The following MECOM variants were observed in gnomAD, a reference collection of about 807,000 sequenced individuals.
The protein encoded by MECOM is histone-lysine N-methyltransferase MECOM.
Under a neutral mutation model 116.3 loss-of-function variants are expected in MECOM, and 13 were observed. The ratio of observed to expected loss-of-function variants is 0.11; its 90% CI spans 0.07 to 0.18. MECOM has a LOEUF of 0.18. Ranked by LOEUF, MECOM falls within the 10% of genes least tolerant of loss-of-function variation. The pLI is 1.00. For synonymous variants in MECOM, 528 were observed against 535.2 expected (o/e 0.99, Z 0.19); for missense variants, 1,299 against 1,509.0 (o/e 0.86, Z 2.31).
intron 2 of MECOM, among the ~76,000 whole-genome samples, chr3:169,310,449 A>G (rs1343414669): frequency 6.6e-6 from 1 of 152,210 alleles, no homozygotes; most frequent in African/African-American, 2.4e-5. Context: ...GTGTCATCAA[A>G]CAGGTTAATC....
intron 2 of MECOM, among the ~76,000 whole-genome samples, chr3:169,188,860 A>G (rs1028201405): frequency 1.2e-4 from 19 of 152,264 alleles, no homozygotes; most frequent in African/African-American, 4.6e-4. Flanking sequence ...AAGTTGAAAC[A>G]TCAGTCACAG....
At chr3:169,120,651 GCTCTTT>G (rs1730724553) in intron 7 of MECOM, among the ~76,000 whole-genome samples, 2 of 152,150 alleles carry the variant, frequency 1.3e-5, no homozygotes, top group Admixed American at 1.3e-4. Flanking sequence ...GCTTCTTCCA[GCTCTTT>G]CTGATCCAGA....
At chr3:169,657,044 T>G (rs1416540178) in intron 1 of MECOM, among the ~76,000 whole-genome samples, 1 of 152,132 alleles carries the variant, frequency 6.6e-6, no homozygotes, top group Non-Finnish European at 1.5e-5. Context: ...AGATAAAAAA[T>G]GCCTAGAAAC....
intron 2 of MECOM, among the ~76,000 whole-genome samples, chr3:169,283,691 G>A (rs1217350493): frequency 1.3e-5 from 2 of 152,076 alleles, no homozygotes; most frequent in African/African-American, 2.4e-5. Flanking sequence ...TTTCTGAAAT[G>A]CATTTACATG....
At position 169,521,721 on chromosome 3, in the gene MECOM, G is replaced by C. The variant is rs75715869; in HGVS notation, c.38-140197C>G. The stretch of plus-strand genomic sequence containing the variant: ...GGAATCTGTTTTAGTAAGAACTCCA[G>C]GGATTCTAATGCACACTCAAGTTTG... On this transcript the variant is annotated intron_variant, in intron 1 of 16. Coordinates refer to ENST00000651503, the MANE Select transcript of MECOM (RefSeq NM_004991.4). Among the ~76,000 whole-genome samples the C allele has an allele frequency of 4.2e-3, 646 of 152,284 alleles. 10 individuals carry two copies. Among genetic ancestry groups the C allele is most frequent in the Admixed American group, 0.032 (482 of 15,294 alleles).
At chr3:169,489,475 A>C (rs1173598779) in intron 1 of MECOM, among the ~76,000 whole-genome samples, 1 of 152,216 alleles carries the variant, frequency 6.6e-6, no homozygotes, top group Non-Finnish European at 1.5e-5. Context: ...TTTGGCTTAC[A>C]GATATCAAGA....
At chr3:169,226,896 G>A (rs1044007361) in intron 2 of MECOM, among the ~76,000 whole-genome samples, 1 of 152,164 alleles carries the variant, frequency 6.6e-6, no homozygotes, top group Admixed American at 6.5e-5. Context: ...GCAATGGCAG[G>A]AGAATCTCTG....
intron 1 of MECOM, among the ~76,000 whole-genome samples, chr3:169,632,322 C>G (rs564555122): frequency 7.9e-5 from 12 of 152,186 alleles, no homozygotes; most frequent in African/African-American, 9.6e-5. Context: ...TCCAATGACA[C>G]TTTCCTTCAT....
At chr3:169,321,527 C>T (rs539052558) in intron 2 of MECOM, among the ~76,000 whole-genome samples, 14 of 150,698 alleles carry the variant, frequency 9.3e-5, no homozygotes, top group South Asian at 4.2e-4. Context: ...GGTGACAGAG[C>T]GAGACTCCGT....
chr3:169,261,180 A>G (rs958168571), intron 2 of MECOM, among the ~76,000 whole-genome samples: 2 of 152,330 alleles, frequency 1.3e-5, no homozygotes, highest in Admixed American at 6.5e-5. Flanking sequence ...ATTTTACATT[A>G]CTGTAAGGGA....
In MECOM at chr3:169,285,929, C is replaced by T. The variant is rs188084729; in HGVS notation, c.375+95258G>A. ...AAAACAGCTGTTTTCAACCAACTTT[C>T]GCTGTGAATGTACTTTTGTGTGTTT... On this transcript the variant is annotated intron_variant, in intron 2 of 16. Transcript: ENST00000651503. Among the ~76,000 whole-genome samples the T allele has an allele frequency of 1.8e-4, 28 of 152,294 alleles. No homozygotes were observed. In the East Asian group the frequency reaches 3.3e-3, roughly 18 times the overall value.
chr3:169,166,714 A>G (rs1743649680), intron 2 of MECOM, among the ~76,000 whole-genome samples: 1 of 152,230 alleles, frequency 6.6e-6, no homozygotes. Flanking sequence ...AAGAGTTCAA[A>G]CATTTGCATG....
In MECOM at chr3:169,440,445, G is replaced by A. The variant is rs1743423050; in HGVS notation, c.38-58921C>T. Reference sequence around the variant, plus strand: ...AAAGATGAGTAAAATTTGCCAAGTGGAGGTCCAAGAAAAGCATTCCAGGCA... The same window carrying A: ...AAAGATGAGTAAAATTTGCCAAGTGAAGGTCCAAGAAAAGCATTCCAGGCA... On this transcript the variant is annotated intron_variant, in intron 1 of 16. Transcript: ENST00000651503. Among the ~76,000 whole-genome samples the A allele has an allele frequency of 2.6e-5, 4 of 151,688 alleles. No homozygotes were observed. In the South Asian group the frequency reaches 8.3e-4, roughly 32 times the overall value.
chr3:169,413,560 G>C (rs944671628), intron 1 of MECOM, among the ~76,000 whole-genome samples: 2 of 151,820 alleles, frequency 1.3e-5, no homozygotes, highest in African/African-American at 4.8e-5. Context: ...CCTGCAAAGG[G>C]GGCTGAAGCC....
intron 1 of MECOM, among the ~76,000 whole-genome samples, chr3:169,406,785 A>C (rs1344757700): frequency 6.6e-6 from 1 of 151,932 alleles, no homozygotes; most frequent in Non-Finnish European, 1.5e-5. Context: ...CTTGAGCCCA[A>C]GCATAATATC....
At chr3:169,606,742 T>C (rs1212342758) in intron 1 of MECOM, among the ~76,000 whole-genome samples, 1 of 152,154 alleles carries the variant, frequency 6.6e-6, no homozygotes, top group East Asian at 1.9e-4. Context: ...ATTGTTCTCC[T>C]CCATATGGTC....
chr3:169,108,672 T>C (rs555890243), intron 9 of MECOM, among the ~76,000 whole-genome samples: 6 of 152,188 alleles, frequency 3.9e-5, no homozygotes, highest in Non-Finnish European at 7.3e-5. Flanking sequence ...ATAAGGAATA[T>C]ATGTAGTTTT....
At chr3:169,308,633 T>A (rs1718152887) in intron 2 of MECOM, among the ~76,000 whole-genome samples, 1 of 152,228 alleles carries the variant, frequency 6.6e-6, no homozygotes. Context: ...TTGTCAATCG[T>A]CACTTAAGAA....
chr3:169,128,077 G>A lies in MECOM; in HGVS notation c.614-17C>T. On this transcript the variant is annotated splice_polypyrimidine_tract_variant and intron_variant, in intron 4 of 16. Coordinates refer to ENST00000651503, the MANE Select transcript of MECOM (RefSeq NM_004991.4). ...GCCGTTCTTCTGTGAAAACAATTCA[G>A]GTGTTAGGATTGGGTGGTCAGGAAT... 1.2e-6 allele frequency: 2 copies of A among 1,613,070 alleles called. No individual in the cohort carries two copies. Among genetic ancestry groups the A allele is most frequent in the South Asian group, 2.2e-5 (2 of 91,054 alleles).
Sources: allele counts gnomAD v4.1 joint callset (sites outside exome capture counted in the v4.1 genomes callset), GRCh38; gene constraint gnomAD v4.1.1; transcripts MANE v1.5; gene names NCBI Gene and HGNC (gene_info 2026-07-23, HGNC 2026-07-21).